Variants in MAP4K1 observed in about 807,000 individuals in gnomAD.
MAP4K1 encodes the protein mitogen-activated protein kinase kinase kinase kinase 1, also known as MAPK/ERK kinase kinase kinase 1.
Under a neutral mutation model 122.8 loss-of-function variants are expected in MAP4K1, and 35 were observed. The observed-to-expected ratio is 0.29, with a 90% confidence interval of 0.22 to 0.38. MAP4K1 has a LOEUF of 0.38. MAP4K1 is among the 10% of genes least tolerant of loss of function. MAP4K1 has a pLI of 1.00. For synonymous variants in MAP4K1, 412 were observed against 421.3 expected (o/e 0.98, Z 0.27); for missense variants, 791 against 1,072.6 (o/e 0.74, Z 3.67).
chr19:38,616,264 A>C lies in MAP4K1; in HGVS notation c.249-5T>G, dbSNP rs759723653. ...CAGATCCAGAGTTTCTGCAACCTGCAGTGGTTCAAGAGTAAGAATAATAAT... is the reference window on the plus strand; with the variant it reads ...CAGATCCAGAGTTTCTGCAACCTGCCGTGGTTCAAGAGTAAGAATAATAAT... On this transcript the variant is annotated splice_polypyrimidine_tract_variant and splice_region_variant and intron_variant, in intron 3 of 30. Transcript: ENST00000396857. The C allele has an allele frequency of 7.5e-6, 12 of 1,610,570 alleles. No homozygotes were observed. The highest frequency in any genetic ancestry group is 9.3e-6 in the Non-Finnish European group (11 of 1,178,186).
At chr19:38,596,993 C>T (rs373832657) in intron 25 of MAP4K1, 41 bp downstream of exon 25, 4 of 1,581,322 alleles carry the variant, frequency 2.5e-6, no homozygotes, top group African/African-American at 1.3e-5. Context: ...GCCTTAGCCA[C>T]CCACTCCTCA....
rs1451681111 is a variant in MAP4K1, at chr19:38,587,779, G to A, written c.2435C>T (p.Thr812Ile). Residue 812 changes from threonine to isoleucine, a missense_variant, in exon 31 of 31, where the codon ACT becomes ATT. By Grantham distance (89) the Thr-to-Ile change is moderately conservative. Transcript: ENST00000396857. ...VVETRPVDDP[T>I]APSNLYIQE ...CTGGATGTAGAGGTTGCTGGGAGCAGTAGGATCATCCACTGGGCGTGTCTC... is the reference window on the plus strand; with the variant it reads ...CTGGATGTAGAGGTTGCTGGGAGCAATAGGATCATCCACTGGGCGTGTCTC... 6.2e-7 allele frequency: 1 copy of A among 1,614,064 alleles called. No homozygotes were observed. The highest frequency in any genetic ancestry group is 8.5e-7 in the Non-Finnish European group (1 of 1,180,024).
intron 16 of MAP4K1, 60 bp from the exon 17 acceptor site, chr19:38,606,275 T>C (rs1364568847): frequency 6.0e-6 from 5 of 833,904 alleles, no homozygotes; most frequent in Non-Finnish European, 9.5e-6. Context: ...TCGGGGAAGA[T>C]GGCATGGTTC....
Position 38,601,482 on chromosome 19 carries a change from C to T in MAP4K1, c.1490G>A (p.Arg497Gln), listed in dbSNP as rs753362748. 5.6e-6 allele frequency: 9 copies of T among 1,610,176 alleles called. No homozygotes were observed. Among genetic ancestry groups the T allele is most frequent in the Non-Finnish European group, 7.6e-6 (9 of 1,178,558 alleles). The change falls in exon 20 of 31, where the codon CGG becomes CAG. Residue 497 changes from arginine to glutamine, a missense_variant. Transcript: ENST00000396857. ...TGTCCAGGCGGCCGTGCTGTGGATCCGGAGGGGGCAGCCATTGAACAACTT... is the reference window on the plus strand; with the variant it reads ...TGTCCAGGCGGCCGTGCTGTGGATCTGGAGGGGGCAGCCATTGAACAACTT... ...LVKLFNGCPL[R>Q]IHSTAAWTHP... is the part of the protein sequence containing the mutation.
chr19:38,616,188 C>T lies in MAP4K1; in HGVS notation c.313+7G>A, dbSNP rs1568644444. 1 of 1,611,182 alleles carries T rather than the reference C, an allele frequency of 6.2e-7. No homozygotes were observed. The highest frequency in any genetic ancestry group is 1.3e-5 in the African/African-American group (1 of 74,690). On this transcript the variant is annotated splice_region_variant and intron_variant, in intron 4 of 30. Transcript: ENST00000396857. Reference sequence around the variant, plus strand: ...GGGTGCTTGGGTCCCGTTGTCCTTTCTCTAACCTTGGTAGATGTCCTGGAG... The same window carrying T: ...GGGTGCTTGGGTCCCGTTGTCCTTTTTCTAACCTTGGTAGATGTCCTGGAG...
intron 8 of MAP4K1, 106 bp from the exon 9 acceptor site, chr19:38,612,848 C>G: frequency 8.1e-7 from 1 of 1,227,162 alleles, no homozygotes; most frequent in Middle Eastern, 2.4e-4. Flanking sequence ...CACAGAGAGT[C>G]AGATGGAGAG....
intron 25 of MAP4K1, 103 bp from the exon 26 acceptor site, chr19:38,596,589 G>T: frequency 1.0e-6 from 1 of 987,336 alleles, no homozygotes; most frequent in Non-Finnish European, 1.4e-6. Flanking sequence ...AGGGCCCTAA[G>T]TCTTGGGGGA....
chr19:38,606,820 C>T (rs1055862981), intron 16 of MAP4K1, among the ~76,000 whole-genome samples: 13 of 152,348 alleles, frequency 8.5e-5, no homozygotes, highest in South Asian at 8.3e-4. Context: ...GTGACATCAG[C>T]GCCGTGGCCC....
rs1599722805 is a variant in MAP4K1 at position 38,616,110 on chromosome 19, A to G, written c.313+85T>C. 5 of 976,378 alleles carry G rather than the reference A, an allele frequency of 5.1e-6. No homozygotes were observed. In the South Asian group the frequency reaches 7.7e-5, roughly 15 times the overall value. The allele number at this position is 976,378 out of a possible 1,614,324, so 60.5% of individuals were successfully genotyped here. ...AAGACAGTTCCTGTGAGATACACAC[A>G]CAGAGACGGAAGAGGTGAATTTGGG... On this transcript the variant is annotated intron_variant, in intron 4 of 30. Coordinates refer to ENST00000396857, the MANE Select transcript of MAP4K1 (RefSeq NM_001042600.3).
chr19:38,602,529 CATAT>C (rs773008735), intron 19 of MAP4K1, among the ~76,000 whole-genome samples: 9 of 148,758 alleles, frequency 6.1e-5, no homozygotes, highest in African/African-American at 2.2e-4. Flanking sequence ...TACGCATATA[CATAT>C]ATACACATAT....
intron 20 of MAP4K1, among the ~76,000 whole-genome samples, chr19:38,601,102 G>A (rs939973151): frequency 6.6e-6 from 1 of 151,680 alleles, no homozygotes; most frequent in Non-Finnish European, 1.5e-5. Flanking sequence ...CACCATGCCC[G>A]GCCTACCTAG....
At chr19:38,610,857 G>A (rs1201339215) in intron 11 of MAP4K1, among the ~76,000 whole-genome samples, 194 bp downstream of exon 11, 10 of 152,052 alleles carry the variant, frequency 6.6e-5, no homozygotes, top group African/African-American at 1.2e-4. Context: ...CCGGCAACTC[G>A]GGGTATTTGG....
In MAP4K1 at chr19:38,606,209, G is replaced by A; in HGVS notation, c.1164C>T (p.Thr388=). Residue 388 remains threonine, a synonymous_variant, in exon 17 of 31, where the codon ACC becomes ACT. Coordinates refer to ENST00000396857, the MANE Select transcript of MAP4K1 (RefSeq NM_001042600.3). ...DDDYDDVDIP[T]PAEDTPPPLP... ...GTGGAGGAGGTGTGTCCTCTGCAGG[G>A]GTGGGGCTGAAACACAAAGATGGGT... is the stretch of plus-strand genomic sequence containing the variant. 6.4e-7 allele frequency: 1 copy of A among 1,553,276 alleles called. No individual in the cohort carries two copies. The highest frequency in any genetic ancestry group is 8.7e-7 in the Non-Finnish European group (1 of 1,152,680).
At chr19:38,587,854 TTCA>T in intron 30 of MAP4K1, 37 bp from the exon 31 acceptor site, 1 of 1,450,156 alleles carries the variant, frequency 6.9e-7, no homozygotes, top group Non-Finnish European at 9.7e-7. Context: ...CATTTATTCA[TTCA>T]TATGTTCATT....
intron 17 of MAP4K1, among the ~76,000 whole-genome samples, chr19:38,605,940 T>C (rs1975317101): frequency 6.6e-6 from 1 of 151,224 alleles, no homozygotes; most frequent in South Asian, 2.1e-4. Flanking sequence ...TAATGCTGGA[T>C]ATATAGCAGG....
intron 30 of MAP4K1, among the ~76,000 whole-genome samples, chr19:38,589,472 A>G (rs1974639128): frequency 6.7e-6 from 1 of 149,062 alleles, no homozygotes; most frequent in South Asian, 2.2e-4. Flanking sequence ...CTGGAGTGCA[A>G]TGGCGCGATC....
At chr19:38,596,735 AC>A (rs2145938282) in intron 25 of MAP4K1, among the ~76,000 whole-genome samples, 2 of 152,166 alleles carry the variant, frequency 1.3e-5, no homozygotes, top group South Asian at 4.2e-4. Flanking sequence ...AGATAGCAAA[AC>A]CTGCTTAGAC....
chr19:38,589,259 T>TAC, intron 30 of MAP4K1: 1 of 204,172 alleles, frequency 4.9e-6, no homozygotes, highest in Non-Finnish European at 1.0e-5. Context: ...GGCGAGATCG[T>TAC]GCCACTGCAC....
chr19:38,591,813 A>C (rs1315303616), intron 30 of MAP4K1, among the ~76,000 whole-genome samples: 1 of 152,018 alleles, frequency 6.6e-6, no homozygotes, highest in African/African-American at 2.4e-5. Context: ...TCTACTAAAA[A>C]TACAAAAATT....
Sources: allele counts gnomAD v4.1 joint callset (sites outside exome capture counted in the v4.1 genomes callset), GRCh38; gene constraint gnomAD v4.1.1; transcripts MANE v1.5; gene names NCBI Gene and HGNC (gene_info 2026-07-23, HGNC 2026-07-21).